SLC12A1: variants seen among roughly 807,000 people sequenced by gnomAD.
The protein encoded by SLC12A1 is Na-K-2Cl cotransporter.
A neutral mutation model predicts 130.4 loss-of-function variants in SLC12A1; 89 were observed. That is an observed-to-expected ratio of 0.68 (90% confidence interval 0.58 to 0.81). SLC12A1 has a LOEUF of 0.81. SLC12A1 is among the 40% of genes least tolerant of loss of function. The pLI, the probability that SLC12A1 is intolerant of heterozygous loss-of-function variation, is 0.00. For missense variants in SLC12A1, 1,310 were observed against 1,336.4 expected, an observed-to-expected ratio of 0.98 and a Z score of 0.31; for synonymous variants, 499 against 460.0, an observed-to-expected ratio of 1.08 and a Z score of -1.09.
At position 48,288,388 on chromosome 15, in the gene SLC12A1, T is replaced by G; in HGVS notation, c.2762-17T>G. On this transcript the variant is annotated splice_polypyrimidine_tract_variant and intron_variant, in intron 22 of 26. Coordinates refer to ENST00000380993, the MANE Select transcript of SLC12A1 (RefSeq NM_000338.3). ...TTTAGATATACTCATTGTGTCATAA[T>G]TTATTCTTTATTCCAGGGTTAACAC... 7.6e-7 allele frequency: 1 copy of G among 1,313,768 alleles called. No homozygotes were observed. The highest frequency in any genetic ancestry group is 1.1e-6 in the Non-Finnish European group (1 of 935,462). The allele number at this position is 1,313,768 out of a possible 1,614,324, so 81.4% of individuals were successfully genotyped here. A position where few individuals can be genotyped will look rare whatever the true frequency, so the allele number is the denominator to read the frequency against.
chr15:48,293,079 C>G (rs1649718578), intron 24 of SLC12A1, among the ~76,000 whole-genome samples: 1 of 152,244 alleles, frequency 6.6e-6, no homozygotes, highest in Admixed American at 6.5e-5. Flanking sequence ...CCACACCTGG[C>G]TAATTTTTTG....
intron 20 of SLC12A1, among the ~76,000 whole-genome samples, chr15:48,274,857 A>G (rs908772247): frequency 5.9e-5 from 9 of 152,204 alleles, no homozygotes; most frequent in Admixed American, 1.3e-4. Context: ...CTAACCAGAA[A>G]TATAGAGGAA....
At chr15:48,226,855 T>A in intron 5 of SLC12A1, 1 of 596,762 alleles carries the variant, frequency 1.7e-6, no homozygotes, top group Middle Eastern at 4.3e-4. Context: ...TGCACACCTC[T>A]AGCTGATGTT....
chr15:48,302,799 G>A lies in SLC12A1; in HGVS notation c.3214G>A (p.Ala1072Thr). 1 of 1,613,360 alleles carries A rather than the reference G, an allele frequency of 6.2e-7. No individual in the cohort carries two copies. The highest frequency in any genetic ancestry group is 8.5e-7 in the Non-Finnish European group (1 of 1,179,530). ...ATCCATATCGGATTTGTTGTATATG[G>A]CTTGGTTGGAAATCCTCACAAAGAA... ...KGSISDLLYM[A>T]WLEILTKNLP... Residue 1072 changes from alanine to threonine, a missense_variant, in exon 27 of 27, where the codon GCT (alanine) becomes ACT (threonine). Ala to Thr is a moderately conservative substitution (Grantham distance 58). Transcript: ENST00000380993.
chr15:48,238,800 C>T (rs941926183), intron 9 of SLC12A1, among the ~76,000 whole-genome samples: 3 of 152,212 alleles, frequency 2.0e-5, no homozygotes, highest in African/African-American at 7.2e-5. Context: ...AGGAAGCTCA[C>T]AGACACAAAG....
At chr15:48,271,726 C>T (rs985459636) in intron 19 of SLC12A1, among the ~76,000 whole-genome samples, 1 of 152,176 alleles carries the variant, frequency 6.6e-6, no homozygotes, top group Admixed American at 6.5e-5. Flanking sequence ...TCATCTGGCT[C>T]CTGCTGGTGT....
At chr15:48,257,085 G>A (rs933561970) in intron 16 of SLC12A1, among the ~76,000 whole-genome samples, 3 of 152,192 alleles carry the variant, frequency 2.0e-5, no homozygotes, top group African/African-American at 7.2e-5. Flanking sequence ...GGGGCTACAT[G>A]CCCCATGCAA....
In SLC12A1 at chr15:48,285,255, A is replaced by C; in HGVS notation, c.2629+6A>C. 1.2e-6 allele frequency: 2 copies of C among 1,613,092 alleles called. No individual in the cohort carries two copies. Among genetic ancestry groups the C allele is most frequent in the Non-Finnish European group, 1.7e-6 (2 of 1,179,632 alleles). On this transcript the variant is annotated splice_donor_region_variant and intron_variant, in intron 21 of 26. Transcript: ENST00000380993. ...TAAGACAACGCCTAAAAAAGGTAAG[A>C]ACTTTTTAAAATTTGCAAAAAAGTT... is the stretch of plus-strand genomic sequence containing the variant.
chr15:48,226,713 A>T, intron 5 of SLC12A1, 142 bp downstream of exon 5: 2 of 666,254 alleles, frequency 3.0e-6, no homozygotes, highest in Non-Finnish European at 5.3e-6. Context: ...TGCCAAAGAA[A>T]ACCTAAGGTA....
intron 5 of SLC12A1, chr15:48,227,069 G>T (rs1281789726): frequency 6.5e-7 from 1 of 1,546,274 alleles, no homozygotes; most frequent in Non-Finnish European, 8.8e-7. Context: ...TTTCTTGGGG[G>T]ATTTTGCAGG....
At chr15:48,288,561 T>C in intron 23 of SLC12A1, 45 bp downstream of exon 23, 3 of 902,842 alleles carry the variant, frequency 3.3e-6, no homozygotes, top group African/African-American at 1.7e-5. Flanking sequence ...CAGAGGTTTG[T>C]TGCTTTAATG....
At chr15:48,276,616 C>T (rs1419037851) in intron 20 of SLC12A1, among the ~76,000 whole-genome samples, 1 of 152,152 alleles carries the variant, frequency 6.6e-6, no homozygotes, top group Non-Finnish European at 1.5e-5. Flanking sequence ...CTTGGACTTC[C>T]GGCCTCCAGA....
intron 15 of SLC12A1, among the ~76,000 whole-genome samples, chr15:48,252,151 C>A (rs912656047): frequency 6.6e-6 from 1 of 151,486 alleles, no homozygotes; most frequent in African/African-American, 2.4e-5. Flanking sequence ...TGCAGTGAGC[C>A]GAGATCACAC....
At position 48,244,664 on chromosome 15, in the gene SLC12A1, T is replaced by C. The variant is rs555337789; in HGVS notation, c.1301-89T>C. On this transcript the variant is annotated intron_variant, in intron 10 of 26. Coordinates refer to ENST00000380993, the MANE Select transcript of SLC12A1 (RefSeq NM_000338.3). ...AACAGAGGCTAAGAAATGGACCTTT[T>C]CAGTCTCAAAGTAAACTACGTTTTC... is the stretch of plus-strand genomic sequence containing the variant. 96 of 1,314,064 alleles carry C rather than the reference T, an allele frequency of 7.3e-5. No homozygotes were observed. In the African/African-American group the frequency reaches 1.3e-3, roughly 18 times the overall value. 81.4% of individuals were successfully genotyped at this position (1,314,064 alleles called of 1,614,324 possible).
intron 15 of SLC12A1, among the ~76,000 whole-genome samples, chr15:48,252,407 A>G (rs1239282887): frequency 6.6e-6 from 1 of 152,156 alleles, no homozygotes; most frequent in Admixed American, 6.5e-5. Context: ...ATGATACCAA[A>G]CCAACCTGAC....
chr15:48,246,926 A>G lies in SLC12A1; in HGVS notation c.1470A>G (p.Ser490=). 1 of 1,613,752 alleles carries G rather than the reference A, an allele frequency of 6.2e-7. No homozygotes were observed. Among genetic ancestry groups the G allele is most frequent in the Non-Finnish European group, 8.5e-7 (1 of 1,179,634 alleles). ...TTCTCAAGGTCATGAGCATGGTATC[A>G]GGGTTCGGCCCCCTCATCACTGCGG... ...MNNFQVMSMV[S]GFGPLITAGI... Residue 490 remains serine, a synonymous_variant, in exon 12 of 27, where the codon TCA becomes TCG. Transcript: ENST00000380993.
chr15:48,240,898 TAAGCAAGAGAA>T (rs1447660167), intron 9 of SLC12A1, among the ~76,000 whole-genome samples: 4 of 152,210 alleles, frequency 2.6e-5, no homozygotes, highest in Non-Finnish European at 5.9e-5. Context: ...TATACATTTA[TAAGCAAGAGAA>T]AAGCCCATTT....
intron 15 of SLC12A1, among the ~76,000 whole-genome samples, chr15:48,253,544 T>C (rs2041671234): frequency 6.6e-6 from 1 of 152,264 alleles, no homozygotes; most frequent in Non-Finnish European, 1.5e-5. Context: ...CACTGAGTAG[T>C]ATTCTATTGT....
intron 19 of SLC12A1, among the ~76,000 whole-genome samples, chr15:48,272,237 G>A (rs2041905822): frequency 6.6e-6 from 1 of 152,096 alleles, no homozygotes; most frequent in African/African-American, 2.4e-5. Context: ...ACAGCAATGG[G>A]GCTAATAATG....
Sources: allele counts gnomAD v4.1 joint callset (sites outside exome capture counted in the v4.1 genomes callset), GRCh38; gene constraint gnomAD v4.1.1; transcripts MANE v1.5; gene names NCBI Gene and HGNC (gene_info 2026-07-23, HGNC 2026-07-21).